The following RAPSN variants were observed in gnomAD, a reference collection of about 807,000 sequenced individuals.
RAPSN encodes receptor associated protein of the synapse.
In RAPSN, 33 loss-of-function variants were observed where a neutral mutation model predicts 45.7. The ratio of observed to expected loss-of-function variants is 0.72; its 90% CI spans 0.55 to 0.97. The LOEUF (loss-of-function observed/expected upper bound fraction) is 0.97. Ranked by LOEUF, RAPSN falls within the 50% of genes least tolerant of loss-of-function variation. RAPSN has a pLI of 0.00. For missense variants in RAPSN, 519 were observed against 559.4 expected (o/e 0.93, Z 0.73); for synonymous variants, 244 against 233.6 (o/e 1.04, Z -0.40).
At chr11:47,439,981 C>T (rs1443776567) in intron 6 of RAPSN, among the ~76,000 whole-genome samples, 1 of 152,106 alleles carries the variant, frequency 6.6e-6, no homozygotes, top group Non-Finnish European at 1.5e-5. Context: ...TGAGCCACCG[C>T]ACCCGGCCTT....
chr11:47,438,804 A>G lies in RAPSN; in HGVS notation c.1094T>C (p.Leu365Pro). The change falls in exon 7 of 8, where the codon CTG (leucine) becomes CCG (proline). Residue 365 changes from leucine to proline, a missense_variant. Coordinates refer to ENST00000298854, the MANE Select transcript of RAPSN (RefSeq NM_005055.5). ...CVEETELYCG[L>P]CGESIGEKNS... The stretch of plus-strand genomic sequence containing the variant: ...CTTCTCGCCTATGGACTCGCCGCAC[A>G]GGCCGCAGTAGAGCTCCGTCTCCTC... 6.4e-7 allele frequency: 1 copy of G among 1,570,854 alleles called. No homozygotes were observed. Among genetic ancestry groups the G allele is most frequent in the South Asian group, 1.2e-5 (1 of 85,664 alleles).
intron 7 of RAPSN, 138 bp from the exon 8 acceptor site, chr11:47,438,185 C>CCTG: frequency 9.4e-7 from 1 of 1,065,948 alleles, no homozygotes; most frequent in Non-Finnish European, 1.4e-6. Context: ...GGGAAGGGAA[C>CCTG]GGTCCCCCCA....
At chr11:47,439,197 G>T (rs1247855689) in intron 6 of RAPSN, among the ~76,000 whole-genome samples, 1 of 152,196 alleles carries the variant, frequency 6.6e-6, no homozygotes, top group African/African-American at 2.4e-5. Context: ...TTTGCGGCAG[G>T]GCGCCGTGGC....
At chr11:47,447,310 C>G (rs540000137) in intron 2 of RAPSN, among the ~76,000 whole-genome samples, 1 of 152,130 alleles carries the variant, frequency 6.6e-6, no homozygotes, top group Admixed American at 6.6e-5. Flanking sequence ...TGTTGATCGT[C>G]TTTCTTCTCC....
At position 47,448,924 on chromosome 11, in the gene RAPSN, A is replaced by G. The variant is rs104894300; in HGVS notation, c.41T>C (p.Leu14Pro). ...TGTCTGGTTGGACTGGTACAGCTGG[A>G]GCCCCTTCTCGATCTGCTGCTTGGT... ...DQTKQQIEKG[L>P]QLYQSNQTEK... is the part of the protein sequence containing the mutation. The change falls in exon 1 of 8, where the codon CTC becomes CCC. Residue 14 changes from leucine to proline, a missense_variant. Physicochemically the swap from Leu to Pro is moderately conservative, Grantham distance 98 (BLOSUM62 -3). Coordinates refer to ENST00000298854, the MANE Select transcript of RAPSN (RefSeq NM_005055.5). The G allele has an allele frequency of 5.6e-6, 9 of 1,614,184 alleles. No homozygotes were observed. The highest frequency in any genetic ancestry group is 7.6e-6 in the Non-Finnish European group (9 of 1,180,040).
Position 47,437,841 on chromosome 11 carries a change from G to T in RAPSN, c.*134C>A. 8.9e-7 allele frequency: 1 copy of T among 1,120,756 alleles called. No individual in the cohort carries two copies. Among genetic ancestry groups the T allele is most frequent in the Non-Finnish European group, 1.3e-6 (1 of 761,200 alleles). 69.4% of individuals were successfully genotyped at this position (1,120,756 alleles called of 1,614,324 possible). A position where few individuals can be genotyped will look rare whatever the true frequency, so the allele number is the denominator to read the frequency against. ...GAGGGGAGCTGGGCCCAGGGGAGCA[G>T]CCCTGGGCAGGCCCCAAGGCCTTGG... On this transcript the variant is annotated 3_prime_UTR_variant, in exon 8 of 8. Transcript: ENST00000298854.
intron 3 of RAPSN, among the ~76,000 whole-genome samples, 162 bp from the exon 4 acceptor site, chr11:47,442,083 TCA>T (rs989514956): frequency 6.6e-6 from 1 of 151,980 alleles, no homozygotes; most frequent in African/African-American, 2.4e-5. Context: ...ACCACTGAAG[TCA>T]CAGCACCCAG....
At chr11:47,441,384 G>A (rs2076360718) in intron 5 of RAPSN, among the ~76,000 whole-genome samples, 172 bp from the exon 6 acceptor site, 1 of 152,156 alleles carries the variant, frequency 6.6e-6, no homozygotes, top group Admixed American at 6.5e-5. Flanking sequence ...GTGGGCAAGT[G>A]ACCTCCTGCC....
Position 47,438,031 on chromosome 11 carries a change from C to G in RAPSN, c.1183G>C (p.Gly395Arg). 6.5e-7 allele frequency: 1 copy of G among 1,549,916 alleles called. No homozygotes were observed. The highest frequency in any genetic ancestry group is 1.2e-5 in the South Asian group (1 of 83,974). ...IFHLRCLQNN[G>R]TRSCPNCRRS... ...CGGCAGTTGGGACAGCTCCGGGTCC[C>G]GTTGTTCTGCAGGCACCTGGGGAGG... The change falls in exon 8 of 8, where the codon GGG (glycine) becomes CGG (arginine). Residue 395 changes from glycine to arginine, a missense_variant. By Grantham distance (125) the Gly-to-Arg change is moderately radical. Coordinates refer to ENST00000298854, the MANE Select transcript of RAPSN (RefSeq NM_005055.5).
At chr11:47,444,994 C>A (rs1389720912) in intron 2 of RAPSN, among the ~76,000 whole-genome samples, 2 of 151,656 alleles carry the variant, frequency 1.3e-5, no homozygotes, top group Admixed American at 6.6e-5. Flanking sequence ...GAGGCCAAGG[C>A]GGGTGGACTA....
intron 3 of RAPSN, among the ~76,000 whole-genome samples, chr11:47,442,278 G>A (rs1440187657): frequency 6.6e-6 from 1 of 152,168 alleles, no homozygotes; most frequent in Non-Finnish European, 1.5e-5. Flanking sequence ...CCCTGCAGAT[G>A]GATTGGAAGG....
intron 1 of RAPSN, 89 bp downstream of exon 1, chr11:47,448,684 G>A: frequency 6.5e-7 from 1 of 1,529,990 alleles, no homozygotes; most frequent in South Asian, 1.1e-5. Flanking sequence ...ACACAGGGGA[G>A]CCCGAGGAGG....
chr11:47,441,250 TGTCTGACAGGCCTTGC>T, intron 5 of RAPSN, 38 bp from the exon 6 acceptor site: 1 of 1,611,032 alleles, frequency 6.2e-7, no homozygotes, highest in South Asian at 1.1e-5. Flanking sequence ...CGGGCAGAGC[TGTCTGACAGGCCTTGC>T]TCACAGGGAA....
Position 47,442,827 on chromosome 11 carries a change from T to C in RAPSN, c.532-13A>G. Reference sequence around the variant, plus strand: ...CTTTCTCGTAGTCCTGCAGGGGACATGGAATGGAAGGAGGCAAACTGAGTG... The same window carrying C: ...CTTTCTCGTAGTCCTGCAGGGGACACGGAATGGAAGGAGGCAAACTGAGTG... On this transcript the variant is annotated splice_polypyrimidine_tract_variant and intron_variant, in intron 2 of 7. Coordinates refer to ENST00000298854, the MANE Select transcript of RAPSN (RefSeq NM_005055.5). The C allele has an allele frequency of 6.2e-7, 1 of 1,613,566 alleles. No individual in the cohort carries two copies. The highest frequency in any genetic ancestry group is 8.5e-7 in the Non-Finnish European group (1 of 1,180,020).
In RAPSN at chr11:47,442,780, G is replaced by C. The variant is rs121909257; in HGVS notation, c.566C>G (p.Ala189Gly). Residue 189 changes from alanine (A) to glycine (G), a missense_variant, in exon 3 of 8, where the codon GCG becomes GGG. By Grantham distance (60) the Ala-to-Gly change is moderately conservative (BLOSUM62 0). Coordinates refer to ENST00000298854, the MANE Select transcript of RAPSN (RefSeq NM_005055.5). ...GCCATAGTTGTTGACAAGCTCTGCC[G>C]CCTTGCAGGGGAAGAACAGGGCTTT... is the stretch of plus-strand genomic sequence containing the variant. Reference protein sequence around the residue: ...YEKALFFPCKAAELVNNYGKG... With the variant: ...YEKALFFPCKGAELVNNYGKG... The C allele has an allele frequency of 1.1e-5, 17 of 1,614,256 alleles. No individual in the cohort carries two copies. In the South Asian group the frequency reaches 1.3e-4, roughly 13 times the overall value.
At chr11:47,442,627 C>A in intron 3 of RAPSN, 29 bp downstream of exon 3, 1 of 1,610,998 alleles carries the variant, frequency 6.2e-7, no homozygotes, top group Non-Finnish European at 8.5e-7. Context: ...CACCTCATCC[C>A]CGACCTGCCC....
chr11:47,445,783 A>G (rs1426215332), intron 2 of RAPSN, among the ~76,000 whole-genome samples: 1 of 152,190 alleles, frequency 6.6e-6, no homozygotes, highest in Non-Finnish European at 1.5e-5. Context: ...AAGACAATCA[A>G]GTTTAAAATA....
chr11:47,438,549 CG>C (rs1384485353), intron 7 of RAPSN, 182 bp downstream of exon 7: 2 of 660,956 alleles, frequency 3.0e-6, no homozygotes, highest in African/African-American at 1.8e-5. Flanking sequence ...TCTTGAACCC[CG>C]GGGCTCAAGT....
intron 2 of RAPSN, among the ~76,000 whole-genome samples, chr11:47,445,905 A>C (rs2076401963): frequency 6.6e-6 from 1 of 151,864 alleles, no homozygotes; most frequent in Non-Finnish European, 1.5e-5. Flanking sequence ...CTAGCAATGA[A>C]CACCCCACAA....
Sources: allele counts gnomAD v4.1 joint callset (sites outside exome capture counted in the v4.1 genomes callset), GRCh38; gene constraint gnomAD v4.1.1; transcripts MANE v1.5; gene names NCBI Gene and HGNC (gene_info 2026-07-23, HGNC 2026-07-21).